Variants in PRIM1 observed in about 807,000 individuals in gnomAD.
PRIM1 encodes DNA primase subunit 1.
Under a neutral mutation model 60.2 loss-of-function variants are expected in PRIM1, and 38 were observed. The observed-to-expected ratio is 0.63, with a 90% confidence interval of 0.49 to 0.83. The LOEUF (loss-of-function observed/expected upper bound fraction) is 0.83, where lower values mean the gene tolerates loss of function less well. PRIM1 is among the 40% of genes least tolerant of loss of function. PRIM1 has a pLI of 0.00. For missense variants in PRIM1, 388 were observed against 506.2 expected (o/e 0.77, Z 2.24); for synonymous variants, 158 against 160.2 (o/e 0.99, Z 0.10).
intron 12 of PRIM1, among the ~76,000 whole-genome samples, 178 bp from the exon 13 acceptor site, chr12:56,731,912 C>G (rs935699417): frequency 6.6e-6 from 1 of 152,162 alleles, no homozygotes; most frequent in Non-Finnish European, 1.5e-5. Context: ...AGTGAGGATA[C>G]AAAGGACTTA....
intron 6 of PRIM1, chr12:56,743,821 C>G: frequency 2.6e-6 from 1 of 386,860 alleles, no homozygotes; most frequent in Non-Finnish European, 4.6e-6. Context: ...CTCTCTAAAA[C>G]TCATTTTCCT....
chr12:56,734,045 A>G, intron 12 of PRIM1, 102 bp downstream of exon 12: 1 of 719,512 alleles, frequency 1.4e-6, no homozygotes, highest in Non-Finnish European at 2.3e-6. Flanking sequence ...ATAAATCTGT[A>G]AATTTTGGGA....
chr12:56,749,944 C>T (rs915252508), intron 2 of PRIM1, among the ~76,000 whole-genome samples: 3 of 152,066 alleles, frequency 2.0e-5, no homozygotes, highest in African/African-American at 7.2e-5. Flanking sequence ...TTCTAGGGTA[C>T]TTAGAATATA....
Position 56,741,478 on chromosome 12 carries a change from G to C in PRIM1, c.939C>G (p.Ile313Met). The change falls in exon 9 of 13, where the codon ATC (isoleucine) becomes ATG (methionine). Residue 313 changes from isoleucine to methionine, a missense_variant. Physicochemically the swap from Ile to Met is conservative, Grantham distance 10. Around this residue, in one of 3 missense-constraint regions of PRIM1, gnomAD observed 211 missense variants for 277.9 expected, o/e 0.76. Transcript: ENST00000338193. ...TAAAAGGGCTCTTCAGTAGATGATT[G>C]ATTCCTTTGCTGACATTGATATCCA... The part of the protein sequence containing the change: ...PRLDINVSKG[I>M]NHLLKSPFSV... The C allele has an allele frequency of 6.2e-7, 1 of 1,613,730 alleles. No homozygotes were observed. The highest frequency in any genetic ancestry group is 8.5e-7 in the Non-Finnish European group (1 of 1,179,794).
intron 5 of PRIM1, among the ~76,000 whole-genome samples, chr12:56,745,707 G>C (rs1326498909): frequency 6.6e-6 from 1 of 152,154 alleles, no homozygotes; most frequent in Non-Finnish European, 1.5e-5. Flanking sequence ...GGGAGGCTGA[G>C]GTGGGTGAAT....
At chr12:56,741,713 T>G (rs1359305667) in intron 8 of PRIM1, 33 bp downstream of exon 8, 1 of 1,594,206 alleles carries the variant, frequency 6.3e-7, no homozygotes, top group Non-Finnish European at 8.6e-7. Context: ...ATTGCATTAT[T>G]ATATCTGTAA....
At chr12:56,735,396 C>A (rs1400281296) in intron 11 of PRIM1, among the ~76,000 whole-genome samples, 1 of 151,766 alleles carries the variant, frequency 6.6e-6, no homozygotes, top group South Asian at 2.1e-4. Flanking sequence ...CCGTGCCCGG[C>A]CCCATGTCTT....
intron 5 of PRIM1, among the ~76,000 whole-genome samples, chr12:56,745,416 AAAAC>A (rs1953899388): frequency 6.6e-6 from 1 of 151,814 alleles, no homozygotes; most frequent in African/African-American, 2.4e-5. Context: ...GTCTCAAAAC[AAAAC>A]AAAACAAAAC....
In PRIM1 at chr12:56,746,771, T is replaced by C. The variant is rs1168258785; in HGVS notation, c.442+10A>G. ...ACACTTGACCCCATTCAGAAACTGC[T>C]GATACTTGCCCTTCAATGCTCTGTC... On this transcript the variant is annotated intron_variant, in intron 4 of 12. Transcript: ENST00000338193. The C allele has an allele frequency of 1.9e-6, 3 of 1,613,340 alleles. No homozygotes were observed. The highest frequency in any genetic ancestry group is 2.5e-6 in the Non-Finnish European group (3 of 1,179,526).
Position 56,731,621 on chromosome 12 carries a change from A to G in PRIM1, c.*94T>C. On this transcript the variant is annotated 3_prime_UTR_variant, in exon 13 of 13. Transcript: ENST00000338193. Reference sequence around the variant, plus strand: ...ATTTACTTTGAGGTTTAAGACACATATATAGTTCTGCCATATTTATTAAAT... The same window carrying G: ...ATTTACTTTGAGGTTTAAGACACATGTATAGTTCTGCCATATTTATTAAAT... 1 of 1,177,482 alleles carries G rather than the reference A, an allele frequency of 8.5e-7. No homozygotes were observed. The highest frequency in any genetic ancestry group is 1.2e-6 in the Non-Finnish European group (1 of 833,088). The allele number at this position is 1,177,482 out of a possible 1,614,324, so 72.9% of individuals were successfully genotyped here.
chr12:56,733,379 G>T (rs747985247), intron 12 of PRIM1, among the ~76,000 whole-genome samples: 1 of 151,560 alleles, frequency 6.6e-6, no homozygotes. Context: ...GGCTTGTTTT[G>T]AACTCCTGAC....
chr12:56,746,718 AATAG>A, intron 4 of PRIM1, 59 bp downstream of exon 4: 1 of 1,394,262 alleles, frequency 7.2e-7, no homozygotes, highest in African/African-American at 1.4e-5. Context: ...ACTAATAGTT[AATAG>A]TAGTCAGAGG....
Position 56,734,173 on chromosome 12 carries a change from CG to C in PRIM1, c.1216del (p.Arg406GlufsTer?), listed in dbSNP as rs1195414491. 6.2e-7 allele frequency: 1 copy of C among 1,606,704 alleles called. No individual in the cohort carries two copies. The highest frequency in any genetic ancestry group is 8.5e-7 in the Non-Finnish European group (1 of 1,174,078). On this transcript the variant is annotated frameshift_variant, in exon 12 of 13. Transcript: ENST00000338193. LOFTEE classifies it high-confidence loss of function. ...EHFLENLDKS[R>X]KGELLKKSDL... ...ACTCTTCTTAAGAAGTTCTCCTTTT[CG>C]GGATTTATCCAGATTTTCAAGAAAA... is the stretch of plus-strand genomic sequence containing the variant.
chr12:56,735,937 C>A (rs1315448254), intron 11 of PRIM1, among the ~76,000 whole-genome samples: 1 of 152,002 alleles, frequency 6.6e-6, no homozygotes, highest in African/African-American at 2.4e-5. Context: ...AGGCATCAGC[C>A]ACTACGCCTG....
chr12:56,737,275 C>T (rs973953717), intron 11 of PRIM1, among the ~76,000 whole-genome samples: 7 of 151,942 alleles, frequency 4.6e-5, no homozygotes, highest in African/African-American at 7.3e-5. Flanking sequence ...CTTTGCAGTC[C>T]GTGCAAAAAT....
chr12:56,739,701 C>T (rs1042912575), intron 9 of PRIM1, among the ~76,000 whole-genome samples: 5 of 152,124 alleles, frequency 3.3e-5, no homozygotes, highest in Non-Finnish European at 5.9e-5. Context: ...TGCTCCTGGC[C>T]TGGCCAGTTT....
chr12:56,749,131 C>T lies in PRIM1; in HGVS notation c.261+1907G>A, dbSNP rs1953928706. Among the ~76,000 whole-genome samples the T allele has an allele frequency of 2.0e-5, 3 of 152,210 alleles. No homozygotes were observed. The South Asian group carries it at 6.2e-4, about 32-fold the overall frequency. Reference sequence around the variant, plus strand: ...TCAAGCAATTCTCCTGCCTCAGCCTCCTGAGTAGCTGGGACTGTAGGCATG... The same window carrying T: ...TCAAGCAATTCTCCTGCCTCAGCCTTCTGAGTAGCTGGGACTGTAGGCATG... On this transcript the variant is annotated intron_variant, in intron 2 of 12. Coordinates refer to ENST00000338193, the MANE Select transcript of PRIM1 (RefSeq NM_000946.3).
In PRIM1 at chr12:56,741,469, T is replaced by C. The variant is rs1424109523; in HGVS notation, c.948A>G (p.Leu316=). The C allele has an allele frequency of 6.2e-6, 10 of 1,613,660 alleles. No homozygotes were observed. Among genetic ancestry groups the C allele is most frequent in the Non-Finnish European group, 7.6e-6 (9 of 1,179,832 alleles). The change falls in exon 9 of 13, where the codon CTA becomes CTG. Residue 316 remains leucine, a synonymous_variant. Coordinates refer to ENST00000338193, the MANE Select transcript of PRIM1 (RefSeq NM_000946.3). Reference sequence around the variant, plus strand: ...GATGAACACTAAAAGGGCTCTTCAGTAGATGATTGATTCCTTTGCTGACAT... The same window carrying C: ...GATGAACACTAAAAGGGCTCTTCAGCAGATGATTGATTCCTTTGCTGACAT... The part of the protein sequence containing the change: ...DINVSKGINH[L]LKSPFSVHPK...
chr12:56,739,322 A>C lies in PRIM1; in HGVS notation c.1024T>G (p.Phe342Val). Residue 342 changes from phenylalanine (F) to valine (V), a missense_variant, in exon 10 of 13, where the codon TTT (phenylalanine) becomes GTT (valine). Physicochemically the swap from Phe to Val is conservative, Grantham distance 50. Transcript: ENST00000338193. ...VPIDLQKVDQFDPFTVPTISF... is the reference protein window; with the variant it reads ...VPIDLQKVDQVDPFTVPTISF... ...ATGGTCGGAACAGTAAATGGATCAA[A>C]CTGGTCCACTTTCTGCAAATCAATA... 1 of 1,582,248 alleles carries C rather than the reference A, an allele frequency of 6.3e-7. No individual in the cohort carries two copies. The highest frequency in any genetic ancestry group is 8.6e-7 in the Non-Finnish European group (1 of 1,159,208).
Sources: gnomAD v4.1 joint callset for allele counts (sites outside exome capture counted in the v4.1 genomes callset) on GRCh38, gnomAD v4.1.1 for gene constraint, gnomAD v4.1.1 regional missense constraint, MANE v1.5 for transcripts, NCBI Gene and HGNC (gene_info 2026-07-23, HGNC 2026-07-21) for gene names.